The following SLC35F1 variants were observed in gnomAD, a reference collection of about 807,000 sequenced individuals.
SLC35F1 encodes chromosome 6 open reading frame 169.
Under a neutral mutation model 48.7 loss-of-function variants are expected in SLC35F1, and 14 were observed. The ratio of observed to expected loss-of-function variants is 0.29; its 90% confidence interval spans 0.19 to 0.45. The LOEUF is 0.45. SLC35F1 is among the 20% of genes least tolerant of loss of function. The pLI, the probability that SLC35F1 is intolerant of heterozygous loss-of-function variation, is 1.00. For missense variants in SLC35F1, 404 were observed against 500.0 expected, an observed-to-expected ratio of 0.81 and a Z score of 1.83; for synonymous variants, 190 against 202.2, an observed-to-expected ratio of 0.94 and a Z score of 0.51.
At chr6:117,927,446 A>C (rs2114809082) in intron 1 of SLC35F1, among the ~76,000 whole-genome samples, 1 of 152,300 alleles carries the variant, frequency 6.6e-6, no homozygotes, top group Middle Eastern at 3.4e-3. Context: ...TGCAAAGCAG[A>C]AGGTGTGCTT....
At chr6:118,147,587 A>G (rs1773993641) in intron 1 of SLC35F1, among the ~76,000 whole-genome samples, 1 of 152,166 alleles carries the variant, frequency 6.6e-6, no homozygotes, top group Admixed American at 6.5e-5. Context: ...AGTGAGAGAT[A>G]TGCGCAATCA....
At chr6:117,991,749 T>G (rs756389859) in intron 1 of SLC35F1, among the ~76,000 whole-genome samples, 1 of 152,240 alleles carries the variant, frequency 6.6e-6, no homozygotes, top group African/African-American at 2.4e-5. Context: ...CAAAGTAGTA[T>G]GATTTTAACA....
chr6:118,048,715 G>A (rs1772337712), intron 1 of SLC35F1, among the ~76,000 whole-genome samples: 1 of 152,184 alleles, frequency 6.6e-6, no homozygotes, highest in Admixed American at 6.5e-5. Context: ...AATAAAAGAG[G>A]ATACAAACAA....
chr6:117,933,728 T>C lies in SLC35F1; in HGVS notation c.173+25829T>C, dbSNP rs11963635. Among the ~76,000 whole-genome samples the C allele has an allele frequency of 5.1e-3, 782 of 152,320 alleles. 3 individuals are homozygous for C. Among genetic ancestry groups the C allele is most frequent in the South Asian group, 8.9e-3 (43 of 4,830 alleles). Reference sequence around the variant, plus strand: ...CTGAGCAGCAGTCAGGCAGCCATTGTAGCAGACAGAGAGGGCTCTTGTGAT... The same window carrying C: ...CTGAGCAGCAGTCAGGCAGCCATTGCAGCAGACAGAGAGGGCTCTTGTGAT... On this transcript the variant is annotated intron_variant, in intron 1 of 7. Transcript: ENST00000360388.
intron 1 of SLC35F1, among the ~76,000 whole-genome samples, chr6:117,917,217 T>A (rs1008620681): frequency 2.6e-5 from 4 of 151,954 alleles, no homozygotes; most frequent in African/African-American, 9.7e-5. Flanking sequence ...AAACAAGTCT[T>A]CATAATGATG....
chr6:117,929,376 GATCTATCT>G (rs550436126), intron 1 of SLC35F1, among the ~76,000 whole-genome samples: 329 of 151,028 alleles, frequency 2.2e-3, no homozygotes, highest in Non-Finnish European at 3.8e-3. Context: ...GTGTCAATAG[GATCTATCT>G]ATCTATCTAT....
rs1775700143 is a variant in SLC35F1, at chr6:117,907,440, G to A, written c.-287G>A. The A allele has an allele frequency of 8.9e-6, 2 of 224,174 alleles. No individual in the cohort carries two copies. The highest frequency in any genetic ancestry group is 1.2e-4 in the Admixed American group (2 of 17,220). The allele number at this position is 224,174 out of a possible 1,614,324, so 13.9% of individuals were successfully genotyped here. On this transcript the variant is annotated 5_prime_UTR_variant, in exon 1 of 8. Coordinates refer to ENST00000360388, the MANE Select transcript of SLC35F1 (RefSeq NM_001029858.4). ...CGACACCCTTCGCAGCCACTTCGCG[G>A]GGCGGGCCAGGACTTGGGGACGCGG...
chr6:117,953,485 T>C (rs1776388908), intron 1 of SLC35F1, among the ~76,000 whole-genome samples: 1 of 152,162 alleles, frequency 6.6e-6, no homozygotes, highest in South Asian at 2.1e-4. Flanking sequence ...GACACATATA[T>C]CTAGTGGTAG....
rs146563377 is a variant in SLC35F1 at position 118,280,291 on chromosome 6, C to T, written c.847+2745C>T. ...ATAAACAACTTAAACATTCCCTTTA[C>T]CCCACGGGTCATACTGTCATACTGT... On this transcript the variant is annotated intron_variant, in intron 6 of 7. Transcript: ENST00000360388. Among the ~76,000 whole-genome samples the T allele has an allele frequency of 2.4e-3, 369 of 152,254 alleles. 1 individual carries two copies. Among genetic ancestry groups the T allele is most frequent in the African/African-American group, 8.4e-3 (350 of 41,542 alleles).
At chr6:118,123,126 A>G (rs1404964948) in intron 1 of SLC35F1, among the ~76,000 whole-genome samples, 1 of 151,992 alleles carries the variant, frequency 6.6e-6, no homozygotes, top group East Asian at 1.9e-4. Context: ...TGTTCCTTGT[A>G]TTATGTTCCA....
In SLC35F1 at chr6:117,907,829, G is replaced by C; in HGVS notation, c.103G>C (p.Gly35Arg). ...CGAGAACCTGCCGGCCGAGGGCAGC[G>C]GCGGCGGCGGGAGCCTGTCCGCCTC... ...TIENLPAEGS[G>R]GGGSLSASSR... The change falls in exon 1 of 8, where the codon GGC becomes CGC. Residue 35 changes from glycine to arginine, a missense_variant. Transcript: ENST00000360388. 6.5e-7 allele frequency: 1 copy of C among 1,530,670 alleles called. No individual in the cohort carries two copies. Among genetic ancestry groups the C allele is most frequent in the African/African-American group, 1.4e-5 (1 of 70,178 alleles). 94.8% of individuals were successfully genotyped at this position (1,530,670 alleles called of 1,614,324 possible).
chr6:118,297,652 T>TAA (rs1562354741), intron 7 of SLC35F1, among the ~76,000 whole-genome samples: 6 of 84,194 alleles, frequency 7.1e-5, no homozygotes, highest in African/African-American at 3.4e-4. Flanking sequence ...AATATATATA[T>TAA]AATATATATA....
chr6:117,925,949 C>G (rs1278616389), intron 1 of SLC35F1, among the ~76,000 whole-genome samples: 1 of 152,112 alleles, frequency 6.6e-6, no homozygotes, highest in Non-Finnish European at 1.5e-5. Context: ...ATTTGATAAA[C>G]ATTTATTCTG....
intron 2 of SLC35F1, among the ~76,000 whole-genome samples, chr6:118,193,410 T>C (rs1285576440): frequency 1.3e-5 from 2 of 152,206 alleles, no homozygotes; most frequent in Non-Finnish European, 2.9e-5. Flanking sequence ...TTAGTCAGTG[T>C]CCACACAGAA....
intron 1 of SLC35F1, among the ~76,000 whole-genome samples, chr6:118,078,700 A>G (rs1299174288): frequency 6.6e-6 from 1 of 152,168 alleles, no homozygotes; most frequent in African/African-American, 2.4e-5. Flanking sequence ...CTTGTAACAT[A>G]GGGTCTCCTC....
intron 1 of SLC35F1, among the ~76,000 whole-genome samples, chr6:117,923,710 C>CATATGTACATATATGT (rs1562238868): frequency 0.35 from 7,870 of 22,514 alleles, 3,545 homozygotes; most frequent in South Asian, 0.47. Flanking sequence ...CATATATGTA[C>CATATGTACATATATGT]ATATATACAT....
At chr6:118,115,003 A>G (rs142208257) in intron 1 of SLC35F1, among the ~76,000 whole-genome samples, 293 of 152,280 alleles carry the variant, frequency 1.9e-3, no homozygotes, top group African/African-American at 6.7e-3. Flanking sequence ...AACTAGGATT[A>G]TGTGTTTGTG....
chr6:118,150,766 A>C, intron 1 of SLC35F1, among the ~76,000 whole-genome samples: 1 of 152,348 alleles, frequency 6.6e-6, no homozygotes, highest in Non-Finnish European at 1.5e-5. Flanking sequence ...TTTTTAAATC[A>C]TTTTAAACAT....
intron 1 of SLC35F1, among the ~76,000 whole-genome samples, chr6:118,112,648 A>T (rs994306486): frequency 2.6e-5 from 4 of 152,208 alleles, no homozygotes; most frequent in Non-Finnish European, 5.9e-5. Flanking sequence ...GGAATTTGAC[A>T]GTAAACTTGG....
Sources: gnomAD v4.1 joint callset for allele counts (sites outside exome capture counted in the v4.1 genomes callset) on GRCh38, gnomAD v4.1.1 for gene constraint, MANE v1.5 for transcripts, NCBI Gene and HGNC (gene_info 2026-07-23, HGNC 2026-07-21) for gene names.